Variants in TUSC3 observed in about 807,000 individuals in gnomAD.
TUSC3 encodes dolichyl-diphosphooligosaccharide--protein glycosyltransferase subunit TUSC3.
A neutral mutation model predicts 44.8 loss-of-function variants in TUSC3; 45 were observed. The ratio of observed to expected loss-of-function variants is 1.00; its 90% confidence interval spans 0.79 to 1.29. The LOEUF is 1.29. TUSC3 is among the 50% of genes most tolerant of loss of function. TUSC3 has a pLI of 0.00. For missense variants in TUSC3, 519 were observed against 437.9 expected, an observed-to-expected ratio of 1.19 and a Z score of -1.65; for synonymous variants, 212 against 152.9, an observed-to-expected ratio of 1.39 and a Z score of -2.85.
chr8:15,465,980 A>C (rs1800407782), intron 1 of TUSC3, among the ~76,000 whole-genome samples: 1 of 152,184 alleles, frequency 6.6e-6, no homozygotes, highest in Admixed American at 6.5e-5. Flanking sequence ...TTTGAAACTC[A>C]AATTCAAATG....
chr8:15,474,807 A>G (rs1800552634), intron 1 of TUSC3, among the ~76,000 whole-genome samples: 2 of 152,206 alleles, frequency 1.3e-5, no homozygotes, highest in East Asian at 1.9e-4. Context: ...TTTATTTCAC[A>G]GTCCCACTTC....
downstream of TUSC3, among the ~76,000 whole-genome samples, chr8:15,770,326 C>T (rs189923625): frequency 9.2e-5 from 14 of 152,220 alleles, no homozygotes; most frequent in Admixed American, 2.0e-4. Flanking sequence ...CCAAACACCG[C>T]GTGTTCTCAC....
chr8:15,464,379 T>C (rs994258541), intron 1 of TUSC3, among the ~76,000 whole-genome samples: 3 of 152,188 alleles, frequency 2.0e-5, no homozygotes, highest in African/African-American at 7.2e-5. Flanking sequence ...TGGATGCAAC[T>C]CCATTCATTC....
the TUSC3 span, among the ~76,000 whole-genome samples, chr8:15,811,251 C>T: frequency 1.3e-5 from 2 of 152,162 alleles, no homozygotes; most frequent in Non-Finnish European, 2.9e-5. Flanking sequence ...TTTTGTTTTC[C>T]TCTCTGTTGT....
chr8:15,825,885 C>CTTTTTTTTTTTTTTTTTT, the TUSC3 span, among the ~76,000 whole-genome samples: 1 of 120,390 alleles, frequency 8.3e-6, no homozygotes, highest in Non-Finnish European at 1.8e-5. Flanking sequence ...ACAGTTGTTT[C>CTTTTTTTTTTTTTTTTTT]TTTTTTTTTT....
At chr8:15,831,536 A>AGAAAGCAAGATT in the TUSC3 span, among the ~76,000 whole-genome samples, 16,070 of 152,210 alleles carry the variant, frequency 0.11, 950 homozygotes, top group East Asian at 0.25. Context: ...AACTCAATCT[A>AGAAAGCAAGATT]GAAAGCAAAG....
At chr8:15,507,289 A>G (rs1345629889) in intron 2 of TUSC3, among the ~76,000 whole-genome samples, 2 of 152,206 alleles carry the variant, frequency 1.3e-5, no homozygotes, top group Non-Finnish European at 2.9e-5. Context: ...CCTTGGCCTC[A>G]GGGTCCTTTT....
chr8:15,663,785 G>A (rs1807531466), intron 5 of TUSC3, among the ~76,000 whole-genome samples: 1 of 151,844 alleles, frequency 6.6e-6, no homozygotes, highest in Non-Finnish European at 1.5e-5. Context: ...AAGTTCAAAA[G>A]TGTTTTGGCT....
At chr8:15,516,503 T>G (rs1300484152) in intron 2 of TUSC3, among the ~76,000 whole-genome samples, 1 of 152,294 alleles carries the variant, frequency 6.6e-6, no homozygotes, top group South Asian at 2.1e-4. Flanking sequence ...TTTTTCCCCC[T>G]GAAAATGGTG....
At chr8:15,681,031 A>C (rs1808405282) in intron 6 of TUSC3, among the ~76,000 whole-genome samples, 1 of 151,472 alleles carries the variant, frequency 6.6e-6, no homozygotes, top group South Asian at 2.1e-4. Flanking sequence ...CCTTAGTGAT[A>C]TTGGTGTGTA....
At chr8:15,441,621 C>G (rs911655959) in intron 1 of TUSC3, among the ~76,000 whole-genome samples, 3 of 152,082 alleles carry the variant, frequency 2.0e-5, no homozygotes, top group African/African-American at 7.2e-5. Context: ...GTTCTCTTAT[C>G]AATATTAGGG....
At chr8:15,596,294 T>TA (rs1245306537) in intron 1 of TUSC3, among the ~76,000 whole-genome samples, 1 of 152,166 alleles carries the variant, frequency 6.6e-6, no homozygotes, top group Non-Finnish European at 1.5e-5. Flanking sequence ...GGTGTTTTAG[T>TA]AAAAAATTAT....
intron 6 of TUSC3, among the ~76,000 whole-genome samples, chr8:15,693,996 C>A (rs1809035790): frequency 6.6e-6 from 1 of 152,018 alleles, no homozygotes; most frequent in Admixed American, 6.6e-5. Context: ...CAGTTTAGTT[C>A]TTTGTTGAAA....
intron 1 of TUSC3, among the ~76,000 whole-genome samples, chr8:15,612,182 TTC>T (rs1804791949): frequency 6.6e-6 from 1 of 152,188 alleles, no homozygotes; most frequent in African/African-American, 2.4e-5. Context: ...GTACCTGCTA[TTC>T]AGATAGCAGG....
At chr8:15,430,422 T>G (rs534781781) in intron 1 of TUSC3, among the ~76,000 whole-genome samples, 1 of 150,658 alleles carries the variant, frequency 6.6e-6, no homozygotes, top group Non-Finnish European at 1.5e-5. Flanking sequence ...TTGACAAAGT[T>G]CAACAACCCT....
At chr8:15,427,338 A>AG (rs1415461451) in intron 1 of TUSC3, among the ~76,000 whole-genome samples, 1 of 151,730 alleles carries the variant, frequency 6.6e-6, no homozygotes, top group African/African-American at 2.4e-5. Context: ...CAGGAGTGTC[A>AG]GGCAGCCATC....
intron 3 of TUSC3, among the ~76,000 whole-genome samples, chr8:15,656,359 A>G (rs566719586): frequency 1.3e-5 from 2 of 152,194 alleles, no homozygotes; most frequent in South Asian, 2.1e-4. Flanking sequence ...AAATCAAACA[A>G]ATTAACTACT....
chr8:15,825,717 T>C, the TUSC3 span, among the ~76,000 whole-genome samples: 1 of 152,100 alleles, frequency 6.6e-6, no homozygotes, highest in Non-Finnish European at 1.5e-5. Context: ...TAATGTGAAA[T>C]ATATGCACAT....
intron 2 of TUSC3, among the ~76,000 whole-genome samples, chr8:15,527,501 G>C (rs1801390194): frequency 6.6e-6 from 1 of 152,220 alleles, no homozygotes; most frequent in Non-Finnish European, 1.5e-5. Context: ...ACAGATGTGA[G>C]TCACTGTGCC....
Sources: allele counts gnomAD v4.1 joint callset (sites outside exome capture counted in the v4.1 genomes callset), GRCh38; gene constraint gnomAD v4.1.1; transcripts MANE v1.5; gene names NCBI Gene and HGNC (gene_info 2026-07-23, HGNC 2026-07-21).